Variants in CACNA1C observed in about 807,000 individuals in gnomAD.
CACNA1C encodes calcium voltage-gated channel subunit alpha1 C.
Under a neutral mutation model 229.0 loss-of-function variants are expected in CACNA1C, and 30 were observed. The observed-to-expected ratio is 0.13, with a 90% CI of 0.10 to 0.18. CACNA1C has a LOEUF of 0.18. CACNA1C is among the 10% of genes least tolerant of loss of function. The probability of loss-of-function intolerance (pLI) is 1.00; values close to 1 mark genes in which losing one functional copy is unlikely to be tolerated. For synonymous variants in CACNA1C, 1,114 were observed against 1,132.5 expected (o/e 0.98, Z 0.33); for missense variants, 1,658 against 2,845.0 (o/e 0.58, Z 9.49).
intron 18 of CACNA1C, among the ~76,000 whole-genome samples, chr12:2,590,299 C>A (rs1397153082): frequency 6.6e-6 from 1 of 152,170 alleles, no homozygotes; most frequent in Non-Finnish European, 1.5e-5. Flanking sequence ...TCTGACCTGC[C>A]TTCTGAAATG....
chr12:2,283,946 T>C (rs1224124712), intron 3 of CACNA1C, among the ~76,000 whole-genome samples: 1 of 152,220 alleles, frequency 6.6e-6, no homozygotes, highest in African/African-American at 2.4e-5. Flanking sequence ...CTATGCCTTT[T>C]TCCAAGATCC....
chr12:2,634,419 C>T lies in CACNA1C; in HGVS notation c.3912+39C>T, dbSNP rs777909363. 1.5e-5 allele frequency: 15 copies of T among 1,024,316 alleles called. No individual in the cohort carries two copies. The East Asian group carries it at 3.8e-4, about 26-fold the overall frequency. The allele number at this position is 1,024,316 out of a possible 1,614,324, so 63.5% of individuals were successfully genotyped here. ...GTCTGTCCCTAACCGTCCGTGCCTG[C>T]TCTAACACTCATTTGCCTTTTCCCG... is the stretch of plus-strand genomic sequence containing the variant. On this transcript the variant is annotated intron_variant, in intron 30 of 46. Coordinates refer to ENST00000399655, the MANE Select transcript of CACNA1C (RefSeq NM_000719.7).
intron 3 of CACNA1C, among the ~76,000 whole-genome samples, chr12:2,417,659 T>C (rs1325770943): frequency 6.6e-6 from 1 of 152,138 alleles, no homozygotes; most frequent in Non-Finnish European, 1.5e-5. Flanking sequence ...CATTAATCTG[T>C]GCTAATGTAT....
Position 2,697,356 on chromosome 12 carries a change from C to T in CACNA1C, c.*6157C>T, listed in dbSNP as rs1378164013. 2.0e-5 allele frequency: 3 copies of T among 152,170 alleles called. No homozygotes were observed. The highest frequency in any genetic ancestry group is 1.9e-4 in the East Asian group (1 of 5,192). The allele number at this position is 152,170 out of a possible 1,614,324, so 9.4% of individuals were successfully genotyped here. On this transcript the variant is annotated 3_prime_UTR_variant, in exon 47 of 47. Coordinates refer to ENST00000399655, the MANE Select transcript of CACNA1C (RefSeq NM_000719.7). ...GATGAGAATAACCCATGGCAAAACA[C>T]GCACATTCATTAAGAAATAGGGCGA...
At chr12:2,416,102 C>G (rs577248778) in intron 3 of CACNA1C, among the ~76,000 whole-genome samples, 1 of 152,294 alleles carries the variant, frequency 6.6e-6, no homozygotes, top group East Asian at 1.9e-4. Flanking sequence ...AGCTCCAGTG[C>G]CTCCTTCTCA....
At chr12:2,350,302 C>T (rs1024509265) in intron 3 of CACNA1C, among the ~76,000 whole-genome samples, 1 of 152,150 alleles carries the variant, frequency 6.6e-6, no homozygotes, top group African/African-American at 2.4e-5. Flanking sequence ...GAGGGGTGGT[C>T]ATGGGCCAGA....
chr12:2,668,328 C>T (rs191858160), intron 37 of CACNA1C, among the ~76,000 whole-genome samples: 23 of 152,216 alleles, frequency 1.5e-4, no homozygotes, highest in African/African-American at 4.3e-4. Flanking sequence ...TCCCACTCCA[C>T]GAGGAGGGTC....
intron 3 of CACNA1C, among the ~76,000 whole-genome samples, chr12:2,268,931 T>C (rs1447118579): frequency 1.3e-5 from 2 of 152,118 alleles, no homozygotes; most frequent in African/African-American, 2.4e-5. Flanking sequence ...TCTGAGCATC[T>C]TGTGAAAGGG....
intron 9 of CACNA1C, among the ~76,000 whole-genome samples, chr12:2,529,265 G>A (rs2099835286): frequency 6.6e-6 from 1 of 152,080 alleles, no homozygotes; most frequent in Non-Finnish European, 1.5e-5. Context: ...TCCCCAGCAG[G>A]GTCTTACCCG....
chr12:2,378,779 G>GTCCTTCCTTCCTTCCT (rs146245294), intron 3 of CACNA1C, among the ~76,000 whole-genome samples: 13 of 144,134 alleles, frequency 9.0e-5, no homozygotes, highest in South Asian at 2.3e-4. Context: ...GTTTATTTGG[G>GTCCTTCCTTCCTTCCT]TCCTTCCTTC....
chr12:2,049,362 A>G (rs1442863347), upstream of CACNA1C: 2 of 152,240 alleles, frequency 1.3e-5, no homozygotes, highest in African/African-American at 4.8e-5. Context: ...TATGTGAGGC[A>G]CTTAGAATAA....
chr12:1,994,965 C>G (rs1315972448), intron 1 of CACNA1C, among the ~76,000 whole-genome samples: 2 of 141,046 alleles, frequency 1.4e-5, no homozygotes, highest in East Asian at 4.5e-4. Flanking sequence ...CTGAAGAAAG[C>G]CTTCAACATT....
rs2153426949 is a variant in CACNA1C, at chr12:2,605,680, A to G, written c.3050A>G (p.His1017Arg). The part of the protein sequence containing the change: ...RAINRAKGLK[H>R]VVQCVFVAIR... ...TCTCCCCGTCCCTTCCCACTGCAGC[A>G]TGTGGTTCAGTGTGTGTTTGTCGCC... Residue 1017 changes from histidine to arginine, a missense_variant and splice_region_variant, in exon 24 of 47, where the codon CAT becomes CGT. His to Arg is a conservative substitution (Grantham distance 29). This residue lies in a region of CACNA1C where 39 missense variants were observed against 143.3 expected (regional missense o/e 0.27). Coordinates refer to ENST00000399655, the MANE Select transcript of CACNA1C (RefSeq NM_000719.7). This position sits in a 1 kb window ranked among gnomAD's most constrained non-coding sequence, Gnocchi z 6.2. 6.2e-7 allele frequency: 1 copy of G among 1,611,918 alleles called. No individual in the cohort carries two copies. Among genetic ancestry groups the G allele is most frequent in the Non-Finnish European group, 8.5e-7 (1 of 1,178,132 alleles).
In CACNA1C at chr12:2,651,859, TGGG is replaced by T; in HGVS notation, c.4074+93_4074+95del. 1 of 1,030,502 alleles carries T rather than the reference TGGG, an allele frequency of 9.7e-7. No individual in the cohort carries two copies. Among genetic ancestry groups the T allele is most frequent in the South Asian group, 1.6e-5 (1 of 61,206 alleles). The allele number at this position is 1,030,502 out of a possible 1,614,324, so 63.8% of individuals were successfully genotyped here. A position where few individuals can be genotyped will look rare whatever the true frequency, so the allele number is the denominator to read the frequency against. ...TGACACAAGGAGGAGCCCTCCACTC[TGGG>T]GCCCTGCTCCTTCCTCTGTGTGGCA... is the stretch of plus-strand genomic sequence containing the variant. On this transcript the variant is annotated intron_variant, in intron 32 of 46. Coordinates refer to ENST00000399655, the MANE Select transcript of CACNA1C (RefSeq NM_000719.7). This position sits in a 1 kb window ranked among gnomAD's most constrained non-coding sequence, Gnocchi z 5.4.
intron 3 of CACNA1C, among the ~76,000 whole-genome samples, chr12:2,416,307 A>G (rs11062222): frequency 0.11 from 16,401 of 151,956 alleles, 990 homozygotes; most frequent in African/African-American, 0.16. Context: ...TATCAGGCAC[A>G]TTGGAGATGC....
Position 2,292,728 on chromosome 12 carries a change from G to A in CACNA1C, c.478-156248G>A, listed in dbSNP as rs1024583. 0.021 allele frequency among the ~76,000 whole-genome samples: 3,255 copies of A among 152,254 alleles called. 199 individuals carry two copies. The East Asian group carries it at 0.24, about 11-fold the overall frequency. On this transcript the variant is annotated intron_variant, in intron 3 of 46. Coordinates refer to ENST00000399655, the MANE Select transcript of CACNA1C (RefSeq NM_000719.7). ...CTAAGGAAAGCTGCCAGCTTTAGGC[G>A]GCCTGGGGAGCTTCTAGTTCTCAGC...
intron 9 of CACNA1C, among the ~76,000 whole-genome samples, chr12:2,548,135 A>G (rs1427128571): frequency 2.6e-5 from 4 of 152,160 alleles, no homozygotes; most frequent in Non-Finnish European, 5.9e-5. Flanking sequence ...GAGTGCTTCC[A>G]TTTTATGGCT....
chr12:2,532,355 T>C (rs2099843081), intron 9 of CACNA1C, among the ~76,000 whole-genome samples: 1 of 152,002 alleles, frequency 6.6e-6, no homozygotes, highest in Non-Finnish European at 1.5e-5. Context: ...CTCCCACCCC[T>C]CGACACAGTC....
At position 2,685,925 on chromosome 12, in the gene CACNA1C, T is replaced by C; in HGVS notation, c.5680+83T>C. 4 of 1,055,068 alleles carry C rather than the reference T, an allele frequency of 3.8e-6. No homozygotes were observed. The South Asian group carries it at 4.1e-5, about 11-fold the overall frequency. 65.4% of individuals were successfully genotyped at this position (1,055,068 alleles called of 1,614,324 possible). ...GTCAGGGATGATTGGGAAATCGTTGTGGCCTGCCTCAAATCAGCCCCACAC... is the reference window on the plus strand; with the variant it reads ...GTCAGGGATGATTGGGAAATCGTTGCGGCCTGCCTCAAATCAGCCCCACAC... On this transcript the variant is annotated intron_variant, in intron 44 of 46. Coordinates refer to ENST00000399655, the MANE Select transcript of CACNA1C (RefSeq NM_000719.7).
Sources: allele counts gnomAD v4.1 joint callset (sites outside exome capture counted in the v4.1 genomes callset), GRCh38; gene constraint gnomAD v4.1.1; regional missense constraint gnomAD v4.1.1; non-coding constraint Gnocchi (gnomAD v3.1); transcripts MANE v1.5; gene names NCBI Gene and HGNC (gene_info 2026-07-23, HGNC 2026-07-21).